PLPPR1: variants seen among roughly 807,000 people sequenced by gnomAD.
PLPPR1 encodes phospholipid phosphatase related 1, also known as phospholipid phosphatase-related protein type 1.
A neutral mutation model predicts 33.1 loss-of-function variants in PLPPR1; 10 were observed. The observed-to-expected ratio is 0.30, with a 90% CI of 0.19 to 0.51. The LOEUF is 0.51. Ranked by LOEUF, PLPPR1 falls within the 20% of genes least tolerant of loss-of-function variation. The pLI, the probability that PLPPR1 is intolerant of heterozygous loss-of-function variation, is 0.97. For missense variants in PLPPR1, 304 were observed against 408.1 expected (o/e 0.74, Z 2.20); for synonymous variants, 151 against 151.0 (o/e 1.00, Z 0.00).
At chr9:101,283,949 A>G (rs1367775097) in intron 3 of PLPPR1, among the ~76,000 whole-genome samples, 2 of 152,198 alleles carry the variant, frequency 1.3e-5, no homozygotes, top group African/African-American at 2.4e-5. Context: ...CACACCTGTT[A>G]GAATGGCTAT....
intron 7 of PLPPR1, among the ~76,000 whole-genome samples, chr9:101,318,643 G>A (rs916266900): frequency 4.6e-5 from 7 of 152,074 alleles, no homozygotes; most frequent in Non-Finnish European, 1.0e-4. Context: ...GCATGGTAGC[G>A]CATGCCTGTA....
intron 1 of PLPPR1, among the ~76,000 whole-genome samples, chr9:101,151,543 T>C (rs539117544): frequency 3.3e-5 from 5 of 152,356 alleles, no homozygotes; most frequent in African/African-American, 1.2e-4. Context: ...AGCAGCATCC[T>C]AAGCAATGAG....
intron 1 of PLPPR1, among the ~76,000 whole-genome samples, chr9:101,091,358 A>C (rs1477059537): frequency 6.6e-6 from 1 of 152,156 alleles, no homozygotes; most frequent in Non-Finnish European, 1.5e-5. Context: ...GGAGGTCAGT[A>C]GTTCACAATG....
chr9:101,094,810 CT>C (rs1190810273), intron 1 of PLPPR1, among the ~76,000 whole-genome samples: 1 of 152,178 alleles, frequency 6.6e-6, no homozygotes, highest in Non-Finnish European at 1.5e-5. Context: ...TTAGCAGCCA[CT>C]GTGTCACCAA....
intron 3 of PLPPR1, among the ~76,000 whole-genome samples, chr9:101,272,591 T>TA (rs896025499): frequency 2.0e-4 from 30 of 152,170 alleles, no homozygotes; most frequent in African/African-American, 7.2e-4. Flanking sequence ...TAAATACCCT[T>TA]AATACTTAAA....
chr9:101,043,411 G>GTGTGTATATATACATATGTATA lies in PLPPR1; in HGVS notation c.-46+14311_-46+14332dup, dbSNP rs1564128796. On this transcript the variant is annotated intron_variant, in intron 1 of 7. Coordinates refer to ENST00000374874, the MANE Select transcript of PLPPR1 (RefSeq NM_207299.2). ...TACATACACATATATACATATGTAT[G>GTGTGTATATATACATATGTATA]TGTGTATATATACATATGTATATAT... 9.3e-5 allele frequency among the ~76,000 whole-genome samples: 14 copies of GTGTGTATATATACATATGTATA among 150,434 alleles called. No individual in the cohort carries two copies. The South Asian group carries it at 2.7e-3, about 29-fold the overall frequency.
chr9:101,078,067 G>A (rs528189872), intron 1 of PLPPR1, among the ~76,000 whole-genome samples: 16 of 130,126 alleles, frequency 1.2e-4, no homozygotes, highest in African/African-American at 4.3e-4. Flanking sequence ...TGGAAGAAAA[G>A]AGAGTCTGGA....
At chr9:101,201,898 G>T (rs1826500565) in intron 2 of PLPPR1, among the ~76,000 whole-genome samples, 1 of 152,174 alleles carries the variant, frequency 6.6e-6, no homozygotes, top group Admixed American at 6.5e-5. Flanking sequence ...TCAAGTGAAA[G>T]CTCAAAGGGC....
At chr9:101,280,345 A>G (rs1828275387) in intron 3 of PLPPR1, among the ~76,000 whole-genome samples, 1 of 152,152 alleles carries the variant, frequency 6.6e-6, no homozygotes, top group Non-Finnish European at 1.5e-5. Context: ...TCACTATTGA[A>G]TTTTACCAAA....
At position 101,203,529 on chromosome 9, in the gene PLPPR1, C is replaced by T. The variant is rs112105357; in HGVS notation, c.63+17972C>T. ...ATCTGTAAAATGTACATATTGAACA[C>T]TTAAGGTTTCTTCCAGATTCAAGCA... On this transcript the variant is annotated intron_variant, in intron 2 of 7. Transcript: ENST00000374874. Among the ~76,000 whole-genome samples the T allele has an allele frequency of 3.4e-3, 520 of 151,994 alleles. 3 individuals carry two copies. The highest frequency in any genetic ancestry group is 0.011 in the African/African-American group (476 of 41,468).
At chr9:101,310,636 C>A (rs950040220) in intron 5 of PLPPR1, among the ~76,000 whole-genome samples, 2 of 152,170 alleles carry the variant, frequency 1.3e-5, no homozygotes, top group African/African-American at 4.8e-5. Context: ...TCTTATACCC[C>A]AAATGATTCT....
intron 1 of PLPPR1, among the ~76,000 whole-genome samples, chr9:101,091,956 T>A (rs968725455): frequency 2.0e-5 from 3 of 152,292 alleles, no homozygotes; most frequent in Admixed American, 2.0e-4. Context: ...TCGAAACGCC[T>A]CCTTCCCTCT....
At chr9:101,178,064 A>G (rs1826043460) in intron 1 of PLPPR1, among the ~76,000 whole-genome samples, 2 of 152,232 alleles carry the variant, frequency 1.3e-5, no homozygotes, top group South Asian at 4.1e-4. Flanking sequence ...AGTTATTTGT[A>G]TCCCATATGA....
In PLPPR1 at chr9:101,078,108, A is replaced by AGAAGGAGAAGG. The variant is rs1564138139; in HGVS notation, c.-46+49006_-46+49007insGAAGGAGAAGG. Among the ~76,000 whole-genome samples the AGAAGGAGAAGG allele has an allele frequency of 4.5e-3, 118 of 26,304 alleles. 20 individuals carry two copies. The highest frequency in any genetic ancestry group is 6.2e-3 in the Non-Finnish European group (87 of 13,984). 17.3% of individuals were successfully genotyped at this position (26,304 alleles called of 152,430 possible). On this transcript the variant is annotated intron_variant, in intron 1 of 7. Coordinates refer to ENST00000374874, the MANE Select transcript of PLPPR1 (RefSeq NM_207299.2). Reference sequence around the variant, plus strand: ...GGAGGAGGAGAAGGAGAAGGAGAAGAAGAAGAAGAAGAAGAAGAAGAAGAA... The same window carrying AGAAGGAGAAGG: ...GGAGGAGGAGAAGGAGAAGGAGAAGAGAAGGAGAAGGAGAAGAAGAAGAAGAAGAAGAAGAA...
chr9:101,286,136 A>G lies in PLPPR1; in HGVS notation c.285A>G (p.Ile95Met). 6.2e-7 allele frequency: 1 copy of G among 1,612,776 alleles called. No homozygotes were observed. Among genetic ancestry groups the G allele is most frequent in the Non-Finnish European group, 8.5e-7 (1 of 1,178,878 alleles). ...TTGGTGAGATATCCATGTATTTCAT[A>G]AAATCAACAAGAGAATCCCTGATTG... Reference protein sequence around the residue: ...IFIGEISMYFIKSTRESLIAQ... With the variant: ...IFIGEISMYFMKSTRESLIAQ... Residue 95 changes from isoleucine to methionine, a missense_variant, in exon 4 of 8, where the codon ATA becomes ATG. Physicochemically the swap from Ile to Met is conservative, Grantham distance 10 (BLOSUM62 1). Coordinates refer to ENST00000374874, the MANE Select transcript of PLPPR1 (RefSeq NM_207299.2).
chr9:101,284,843 T>C (rs1007300065), intron 3 of PLPPR1, among the ~76,000 whole-genome samples: 2 of 152,216 alleles, frequency 1.3e-5, no homozygotes, highest in Non-Finnish European at 2.9e-5. Flanking sequence ...CACAGGTCTA[T>C]GTACAGCAAA....
intron 1 of PLPPR1, among the ~76,000 whole-genome samples, chr9:101,096,203 A>G (rs956599651): frequency 6.6e-6 from 1 of 152,180 alleles, no homozygotes; most frequent in Non-Finnish European, 1.5e-5. Context: ...ATTCTTCTTA[A>G]AAAGCAGTGG....
intron 1 of PLPPR1, among the ~76,000 whole-genome samples, chr9:101,076,424 T>C (rs1830537665): frequency 6.6e-6 from 1 of 152,216 alleles, no homozygotes; most frequent in Non-Finnish European, 1.5e-5. Flanking sequence ...CTAAAAATTG[T>C]GGCTCAGCGG....
At chr9:101,094,554 C>A (rs1208688526) in intron 1 of PLPPR1, among the ~76,000 whole-genome samples, 4 of 152,094 alleles carry the variant, frequency 2.6e-5, no homozygotes, top group Admixed American at 1.3e-4. Context: ...GAGCTTAGGA[C>A]TGTTTTATTT....
Sources: allele counts gnomAD v4.1 joint callset (sites outside exome capture counted in the v4.1 genomes callset), GRCh38; gene constraint gnomAD v4.1.1; transcripts MANE v1.5; gene names NCBI Gene and HGNC (gene_info 2026-07-23, HGNC 2026-07-21).